ITPR2: variants seen among roughly 807,000 people sequenced by gnomAD.
The protein encoded by ITPR2 is inositol 1,4,5-trisphosphate-gated calcium channel ITPR2.
A neutral mutation model predicts 317.1 loss-of-function variants in ITPR2; 207 were observed. That is an observed-to-expected ratio of 0.65 (90% confidence interval 0.58 to 0.73). The LOEUF is 0.73. Among genes scored for constraint, ITPR2 ranks in the 30% least tolerant of loss-of-function variants. The probability of loss-of-function intolerance (pLI) is 0.00; values close to 1 mark genes in which losing one functional copy is unlikely to be tolerated. For missense variants in ITPR2, 2,613 were observed against 3,284.0 expected (o/e 0.80, Z 4.99); for synonymous variants, 1,156 against 1,149.1 (o/e 1.01, Z -0.12).
rs555701623 is a variant in ITPR2 at position 26,616,603 on chromosome 12, G to A, written c.3462+4520C>T. Among the ~76,000 whole-genome samples, 61 of 152,082 alleles carry A rather than the reference G, an allele frequency of 4.0e-4. 1 individual carries two copies. The Middle Eastern group carries it at 0.014, about 34-fold the overall frequency. On this transcript the variant is annotated intron_variant, in intron 26 of 56. Transcript: ENST00000381340. The stretch of plus-strand genomic sequence containing the variant: ...TTATACCACCAATTTTTTTTAAATC[G>A]AAAAGTCTGTCAACATAAAACGATA...
chr12:26,622,913 T>C lies in ITPR2; in HGVS notation c.3123-508A>G, dbSNP rs572273927. On this transcript the variant is annotated intron_variant, in intron 24 of 56. Transcript: ENST00000381340. ...AGGTTCCACTGGAACAAAAGGTCCA[T>C]CTGTTTCAAGATGAAATCATATACT... Among the ~76,000 whole-genome samples, 18 of 152,334 alleles carry C rather than the reference T, an allele frequency of 1.2e-4. No homozygotes were observed. In the East Asian group the frequency reaches 3.1e-3, roughly 26 times the overall value.
In ITPR2 at chr12:26,599,243, T is replaced by C. The variant is rs779347817; in HGVS notation, c.3904A>G (p.Thr1302Ala). ...AGGTACTCCACGTGGCGGCCATGTG[T>C]CTCAATGCAGTGCACAAAGTGTTGT... The part of the protein sequence containing the change: ...VVQHFVHCIE[T>A]HGRHVEYLRF... The change falls in exon 30 of 57, where the codon ACA (threonine) becomes GCA (alanine). Residue 1302 changes from threonine (T) to alanine (A), a missense_variant. Thr to Ala is a moderately conservative substitution (Grantham distance 58). Coordinates refer to ENST00000381340, the MANE Select transcript of ITPR2 (RefSeq NM_002223.4). 2.8e-5 allele frequency: 45 copies of C among 1,614,078 alleles called. No individual in the cohort carries two copies. Among genetic ancestry groups the C allele is most frequent in the Non-Finnish European group, 3.6e-5 (43 of 1,179,926 alleles).
intron 23 of ITPR2, chr12:26,627,169 A>C (rs1436921488): frequency 6.6e-6 from 1 of 152,178 alleles, no homozygotes; most frequent in Non-Finnish European, 1.5e-5. Flanking sequence ...ACACACACAA[A>C]ATGAGACCAA....
At chr12:26,409,421 C>T (rs565661966) in intron 52 of ITPR2, among the ~76,000 whole-genome samples, 1 of 152,292 alleles carries the variant, frequency 6.6e-6, no homozygotes, top group South Asian at 2.1e-4. Context: ...AAGAATTGCA[C>T]AAAATGCAAC....
intron 21 of ITPR2, among the ~76,000 whole-genome samples, chr12:26,645,260 A>C (rs1436806504): frequency 6.6e-6 from 1 of 152,234 alleles, no homozygotes; most frequent in African/African-American, 2.4e-5. Context: ...AATCAGTGCA[A>C]GGATTTCAAG....
intron 37 of ITPR2, among the ~76,000 whole-genome samples, chr12:26,496,302 T>C (rs1368803092): frequency 1.3e-5 from 2 of 152,346 alleles, no homozygotes; most frequent in African/African-American, 4.8e-5. Flanking sequence ...AATCCAGCCA[T>C]TTCTTCATGT....
At chr12:26,342,945 G>C (rs1938184869) in intron 55 of ITPR2, among the ~76,000 whole-genome samples, 1 of 151,996 alleles carries the variant, frequency 6.6e-6, no homozygotes. Flanking sequence ...GGTTCTCGGG[G>C]GAGTGGATTA....
chr12:26,475,325 C>T lies in ITPR2; in HGVS notation c.6313G>A (p.Gly2105Arg). 6.2e-7 allele frequency: 1 copy of T among 1,613,580 alleles called. No individual in the cohort carries two copies. The highest frequency in any genetic ancestry group is 8.5e-7 in the Non-Finnish European group (1 of 1,179,862). ...TGGGCCAGAATATAGATATTGTGTC[C>T]AACATCTTTTGGAGAAACACCATCA... ...GDDGVSPKDV[G>R]HNIYILAHQL... Residue 2105 changes from glycine to arginine, a missense_variant, in exon 45 of 57, where the codon GGA (glycine) becomes AGA (arginine). Gly to Arg is a moderately radical substitution (Grantham distance 125). Coordinates refer to ENST00000381340, the MANE Select transcript of ITPR2 (RefSeq NM_002223.4).
At chr12:26,768,571 TAAAAAA>T (rs879291062) in intron 2 of ITPR2, among the ~76,000 whole-genome samples, 3 of 96,186 alleles carry the variant, frequency 3.1e-5, no homozygotes, top group African/African-American at 1.8e-4. Context: ...CAAATATATA[TAAAAAA>T]AAAAAAAAAA....
At chr12:26,631,432 T>C (rs530214377) in intron 22 of ITPR2, among the ~76,000 whole-genome samples, 14 of 152,340 alleles carry the variant, frequency 9.2e-5, no homozygotes, top group African/African-American at 3.4e-4. Context: ...AAAATTTTAT[T>C]TGTCTTTCTT....
chr12:26,632,431 A>T (rs969736357), intron 21 of ITPR2, among the ~76,000 whole-genome samples: 1 of 152,180 alleles, frequency 6.6e-6, no homozygotes, highest in Admixed American at 6.5e-5. Context: ...CTAATCGCCA[A>T]GATAAAGTGA....
In ITPR2 at chr12:26,415,486, C is replaced by A. The variant is rs1372690171; in HGVS notation, c.7123G>T (p.Val2375Leu). The A allele has an allele frequency of 1.9e-6, 3 of 1,554,864 alleles. No individual in the cohort carries two copies. Among genetic ancestry groups the A allele is most frequent in the African/African-American group, 1.4e-5 (1 of 71,998 alleles). The change falls in exon 51 of 57, where the codon GTG (valine) becomes TTG (leucine). Residue 2375 changes from valine (V) to leucine (L), a missense_variant. Val to Leu is a conservative substitution (Grantham distance 32). This residue lies in a region of ITPR2 where 78 missense variants were observed against 110.3 expected (regional missense o/e 0.71). Transcript: ENST00000381340. Reference sequence around the variant, plus strand: ...TTCAGCAAAGTCTCTTCCCTGTACACCAAATCAAAAAGCTACAAAGATAAA... The same window carrying A: ...TTCAGCAAAGTCTCTTCCCTGTACAACAAATCAAAAAGCTACAAAGATAAA... Reference protein sequence around the residue: ...FFYSFLLFDLVYREETLLNVI... With the variant: ...FFYSFLLFDLLYREETLLNVI...
chr12:26,396,688 G>T (rs1940010267), intron 54 of ITPR2, among the ~76,000 whole-genome samples: 1 of 152,178 alleles, frequency 6.6e-6, no homozygotes, highest in African/African-American at 2.4e-5. Context: ...ATAGTCTCCA[G>T]CGAAGACTCA....
At chr12:26,782,888 G>A (rs757296980) in intron 2 of ITPR2, among the ~76,000 whole-genome samples, 5 of 152,176 alleles carry the variant, frequency 3.3e-5, no homozygotes, top group African/African-American at 4.8e-5. Flanking sequence ...ATTGTTAAGC[G>A]GGTGGAGCAA....
chr12:26,567,977 A>T (rs1245247099), intron 34 of ITPR2, among the ~76,000 whole-genome samples: 10 of 8,712 alleles, frequency 1.1e-3, no homozygotes, highest in Non-Finnish European at 3.6e-3. Context: ...TATTATATAT[A>T]TTATATATAT....
Position 26,373,670 on chromosome 12 carries a change from CA to C in ITPR2, c.7857+13763del, listed in dbSNP as rs1300277021. 2.0e-5 allele frequency: 3 copies of C among 152,172 alleles called. No homozygotes were observed. In the East Asian group the frequency reaches 5.8e-4, roughly 29 times the overall value. The allele number at this position is 152,172 out of a possible 1,614,324, so 9.4% of individuals were successfully genotyped here. On this transcript the variant is annotated intron_variant, in intron 55 of 56. Transcript: ENST00000381340. Reference sequence around the variant, plus strand: ...TATTTCTCCAAGTACTAACCAGGCCCAACTCTGCTTAGCTTCTGAGATCAGA... The same window carrying C: ...TATTTCTCCAAGTACTAACCAGGCCCACTCTGCTTAGCTTCTGAGATCAGA...
chr12:26,512,665 T>A (rs184403774), intron 37 of ITPR2, among the ~76,000 whole-genome samples: 270 of 152,322 alleles, frequency 1.8e-3, no homozygotes, highest in African/African-American at 6.1e-3. Context: ...AAGAGTAAGC[T>A]GTGCCCTGAC....
At chr12:26,553,712 G>A (rs565489482) in intron 36 of ITPR2, among the ~76,000 whole-genome samples, 1 of 152,058 alleles carries the variant, frequency 6.6e-6, no homozygotes, top group South Asian at 2.1e-4. Flanking sequence ...GTGAACCAGG[G>A]AGGCAGAGCT....
intron 3 of ITPR2, among the ~76,000 whole-genome samples, chr12:26,725,013 G>T (rs1279292333): frequency 6.6e-6 from 1 of 152,136 alleles, no homozygotes; most frequent in Non-Finnish European, 1.5e-5. Flanking sequence ...TTAAATAAAT[G>T]ATTATAATAT....
Sources: allele counts gnomAD v4.1 joint callset (sites outside exome capture counted in the v4.1 genomes callset), GRCh38; gene constraint gnomAD v4.1.1; regional missense constraint gnomAD v4.1.1; transcripts MANE v1.5; gene names NCBI Gene and HGNC (gene_info 2026-07-23, HGNC 2026-07-21).